EPB41L1: variants seen among roughly 807,000 people sequenced by gnomAD.
The protein encoded by EPB41L1 is band 4.1-like protein 1.
EPB41L1 carries 29 observed loss-of-function variants against 97.8 expected under a neutral mutation model. The ratio of observed to expected loss-of-function variants is 0.30; its 90% confidence interval spans 0.22 to 0.40. The LOEUF (loss-of-function observed/expected upper bound fraction) is 0.40. Among genes scored for constraint, EPB41L1 ranks in the 10% least tolerant of loss-of-function variants. EPB41L1 has a pLI of 1.00. For missense variants in EPB41L1, 812 were observed against 1,162.3 expected, an observed-to-expected ratio of 0.70 and a Z score of 4.38; for synonymous variants, 383 against 459.2, an observed-to-expected ratio of 0.83 and a Z score of 2.12.
In EPB41L1 at chr20:36,126,523, C is replaced by T. The variant is rs539201554; in HGVS notation, c.-10+14043C>T. On this transcript the variant is annotated intron_variant, in intron 2 of 19. Transcript: ENST00000202028. Reference sequence around the variant, plus strand: ...CTGGGATTACAGGCATGTGCCACCACGCCCAGCTAATTTTGTATTTTTAGT... The same window carrying T: ...CTGGGATTACAGGCATGTGCCACCATGCCCAGCTAATTTTGTATTTTTAGT... Among the ~76,000 whole-genome samples the T allele has an allele frequency of 9.2e-5, 14 of 152,214 alleles. No individual in the cohort carries two copies. The East Asian group carries it at 1.9e-3, about 21-fold the overall frequency.
intron 1 of EPB41L1, among the ~76,000 whole-genome samples, chr20:36,096,960 A>C (rs73902972): frequency 1.1e-3 from 160 of 152,308 alleles, no homozygotes; most frequent in African/African-American, 3.7e-3. Flanking sequence ...TGTCTTTTTC[A>C]ATGCTGCATC....
At chr20:36,124,364 G>A (rs781242103) in intron 2 of EPB41L1, among the ~76,000 whole-genome samples, 60 of 152,128 alleles carry the variant, frequency 3.9e-4, no homozygotes, top group Admixed American at 7.2e-4. Context: ...TTACCATGGC[G>A]TTCAGAGCCC....
intron 1 of EPB41L1, chr20:36,109,938 GTTTTTTTTT>G (rs35320427): frequency 7.3e-6 from 1 of 137,272 alleles, no homozygotes; most frequent in African/African-American, 2.7e-5. Context: ...TCTTGACATT[GTTTTTTTTT>G]TTTTTTTTCT....
intron 18 of EPB41L1, 49 bp downstream of exon 18, chr20:36,219,011 T>C (rs763191534): frequency 6.3e-7 from 1 of 1,581,004 alleles, no homozygotes; most frequent in South Asian, 1.1e-5. Context: ...ACTGAGAATA[T>C]GGGCATGGAC....
chr20:36,204,932 C>T (rs936521432), intron 14 of EPB41L1, among the ~76,000 whole-genome samples: 2 of 152,214 alleles, frequency 1.3e-5, no homozygotes, highest in Non-Finnish European at 2.9e-5. Flanking sequence ...TGAGCCACCG[C>T]GCTTGGCCTC....
In EPB41L1 at chr20:36,202,976, T is replaced by A. The variant is rs74698794; in HGVS notation, c.1668+4935T>A. 4.1e-4 allele frequency among the ~76,000 whole-genome samples: 62 copies of A among 152,290 alleles called. 1 individual carries two copies. In the East Asian group the frequency reaches 0.01, roughly 26 times the overall value. On this transcript the variant is annotated intron_variant, in intron 14 of 21. Coordinates refer to ENST00000338074, the MANE Select transcript of EPB41L1 (RefSeq NM_012156.2). The stretch of plus-strand genomic sequence containing the variant: ...CTGGCTCTGTTTCTCCCCACCCCTG[T>A]TGCCAGCTTCCTTTGCTGCAGTGCC...
chr20:36,212,109 G>C lies in EPB41L1; in HGVS notation c.2080-163G>C, dbSNP rs1168810470. On this transcript the variant is annotated intron_variant, in intron 15 of 21. Transcript: ENST00000338074. This position sits in a 1 kb window ranked among gnomAD's most constrained non-coding sequence, Gnocchi z 4.8. ...CTCTCCTCGCGGGCTATCTGTCTAT[G>C]ATATCACACCACAACTCTTTTACCC... 6.6e-6 allele frequency among the ~76,000 whole-genome samples: 1 copy of C among 152,210 alleles called. No homozygotes were observed. The highest frequency in any genetic ancestry group is 2.4e-5 in the African/African-American group (1 of 41,452).
chr20:36,173,866 C>A lies in EPB41L1; in HGVS notation c.89C>A (p.Thr30Asn), dbSNP rs760195022. The A allele has an allele frequency of 6.2e-7, 1 of 1,613,992 alleles. No individual in the cohort carries two copies. Among genetic ancestry groups the A allele is most frequent in the East Asian group, 2.2e-5 (1 of 44,864 alleles). The stretch of plus-strand genomic sequence containing the variant: ...CCCGAGGCTGCTGCCGCTGTGACCA[C>A]CCCTGTGACCCCTGCAGGCCACGGC... ...QQPEAAAAVTTPVTPAGHGHP... is the reference protein window; with the variant it reads ...QQPEAAAAVTNPVTPAGHGHP... Residue 30 changes from threonine to asparagine, a missense_variant, in exon 2 of 22, where the codon ACC (threonine) becomes AAC (asparagine). Physicochemically the swap from Thr to Asn is moderately conservative, Grantham distance 65. This residue lies in a region of EPB41L1 where 84 missense variants were observed against 94.3 expected (regional missense o/e 0.89). Transcript: ENST00000338074.
chr20:36,153,295 G>A (rs189496078), upstream of EPB41L1, among the ~76,000 whole-genome samples: 1 of 152,038 alleles, frequency 6.6e-6, no homozygotes, highest in Admixed American at 6.5e-5. Flanking sequence ...GGAGGGAGGT[G>A]CCTGGCTCTA....
At chr20:36,181,036 G>A (rs1235125069) in intron 5 of EPB41L1, among the ~76,000 whole-genome samples, 1 of 152,130 alleles carries the variant, frequency 6.6e-6, no homozygotes, top group Non-Finnish European at 1.5e-5. Flanking sequence ...CCCTGTACAT[G>A]TGCATAAAGT....
chr20:36,216,126 T>C (rs1391833788), intron 17 of EPB41L1, among the ~76,000 whole-genome samples: 2 of 152,186 alleles, frequency 1.3e-5, no homozygotes, highest in East Asian at 1.9e-4. Context: ...TTTCCTGCCT[T>C]CATGGGACAG....
chr20:36,187,200 T>C (rs138711547), intron 7 of EPB41L1, among the ~76,000 whole-genome samples: 1,698 of 152,330 alleles, frequency 0.011, 31 homozygotes, highest in African/African-American at 0.039. Context: ...ATTAATTACA[T>C]AACTCTTCTT....
Position 36,229,560 on chromosome 20 carries a change from G to A in EPB41L1, c.*220G>A. 1 of 419,598 alleles carries A rather than the reference G, an allele frequency of 2.4e-6. No individual in the cohort carries two copies. The highest frequency in any genetic ancestry group is 4.3e-6 in the Non-Finnish European group (1 of 231,628). 26.0% of individuals were successfully genotyped at this position (419,598 alleles called of 1,614,324 possible). A position where few individuals can be genotyped will look rare whatever the true frequency, so the allele number is the denominator to read the frequency against. On this transcript the variant is annotated 3_prime_UTR_variant, in exon 22 of 22. Transcript: ENST00000338074. ...CATCCTTGCACTGCTGCTGGGGCTG[G>A]CAGAGCAGTTGGCTGACAGCAACAA...
intron 1 of EPB41L1, among the ~76,000 whole-genome samples, chr20:36,098,307 A>C (rs2057899583): frequency 6.6e-6 from 1 of 152,150 alleles, no homozygotes; most frequent in Admixed American, 6.5e-5. Flanking sequence ...CAAAGGATGC[A>C]CAGTGTATTA....
At position 36,164,671 on chromosome 20, in the gene EPB41L1, TTTTA is replaced by T. The variant is rs938976000; in HGVS notation, c.-14-9079_-14-9076del. Among the ~76,000 whole-genome samples the T allele has an allele frequency of 4.6e-5, 7 of 152,210 alleles. No homozygotes were observed. In the East Asian group the frequency reaches 7.7e-4, roughly 17 times the overall value. ...CTCTGTATCCAGCAGAATATTCACT[TTTTA>T]TTTATTTATTTATCTAATTTTATTT... is the stretch of plus-strand genomic sequence containing the variant. On this transcript the variant is annotated intron_variant, in intron 1 of 21. Coordinates refer to ENST00000338074, the MANE Select transcript of EPB41L1 (RefSeq NM_012156.2).
chr20:36,204,727 C>T (rs565469308), intron 14 of EPB41L1, among the ~76,000 whole-genome samples: 39 of 151,102 alleles, frequency 2.6e-4, no homozygotes, highest in South Asian at 2.1e-4. Flanking sequence ...CTGCAACCTC[C>T]GCCTCCCAGA....
chr20:36,128,346 A>G (rs369167537), intron 2 of EPB41L1, among the ~76,000 whole-genome samples: 7 of 152,288 alleles, frequency 4.6e-5, no homozygotes, highest in South Asian at 4.1e-4. Context: ...GCAAGACCTG[A>G]GGTGCCCCAG....
At position 36,190,391 on chromosome 20, in the gene EPB41L1, A is replaced by G; in HGVS notation, c.1124+17A>G. The G allele has an allele frequency of 6.2e-7, 1 of 1,611,822 alleles. No homozygotes were observed. The highest frequency in any genetic ancestry group is 8.5e-7 in the Non-Finnish European group (1 of 1,178,500). ...ATTCTTCCGGTGAGCCTGACCTTGG[A>G]TGGGGTAATGGGGATGGGGCAGAGG... On this transcript the variant is annotated intron_variant, in intron 10 of 21. Coordinates refer to ENST00000338074, the MANE Select transcript of EPB41L1 (RefSeq NM_012156.2). The surrounding 1 kb of genome is among the most constrained non-coding windows in gnomAD (Gnocchi z 5.8).
intron 2 of EPB41L1, among the ~76,000 whole-genome samples, chr20:36,146,682 AG>A (rs1352520286): frequency 6.6e-6 from 1 of 152,202 alleles, no homozygotes. Context: ...AGCTTCTGGA[AG>A]TGAAGTGCTG....
Sources: gnomAD v4.1 joint callset for allele counts (sites outside exome capture counted in the v4.1 genomes callset) on GRCh38, gnomAD v4.1.1 for gene constraint, gnomAD v4.1.1 regional missense constraint, Gnocchi (gnomAD v3.1) non-coding constraint, MANE v1.5 for transcripts, NCBI Gene and HGNC (gene_info 2026-07-23, HGNC 2026-07-21) for gene names.